SND1: variants seen among roughly 807,000 people sequenced by gnomAD.
SND1 encodes the protein staphylococcal nuclease domain-containing protein 1.
SND1 carries 38 observed loss-of-function variants against 121.7 expected under a neutral mutation model. That is an observed-to-expected ratio of 0.31 (90% CI 0.24 to 0.41). The LOEUF (loss-of-function observed/expected upper bound fraction) is 0.41. Ranked by LOEUF, SND1 falls within the 10% of genes least tolerant of loss-of-function variation. The pLI is 1.00. For missense variants in SND1, 868 were observed against 1,184.6 expected (o/e 0.73, Z 3.92); for synonymous variants, 401 against 447.4 (o/e 0.90, Z 1.31).
intron 15 of SND1, among the ~76,000 whole-genome samples, chr7:127,980,881 G>A (rs1584713285): frequency 6.6e-6 from 1 of 152,072 alleles, no homozygotes; most frequent in Admixed American, 6.6e-5. Context: ...AACCTGGACA[G>A]TAGATTCAAA....
intron 12 of SND1, among the ~76,000 whole-genome samples, chr7:127,887,047 A>T (rs570195671): frequency 6.6e-6 from 1 of 151,848 alleles, no homozygotes; most frequent in African/African-American, 2.4e-5. Flanking sequence ...TCTTTTACCC[A>T]TGCTGCAGTG....
At chr7:127,867,310 G>A (rs557952505) in intron 12 of SND1, among the ~76,000 whole-genome samples, 12 of 152,064 alleles carry the variant, frequency 7.9e-5, no homozygotes, top group African/African-American at 1.9e-4. Context: ...CCACACTTTC[G>A]TGGATTTCCT....
chr7:127,775,345 C>G (rs1272387518), intron 10 of SND1, among the ~76,000 whole-genome samples: 2 of 78,144 alleles, frequency 2.6e-5, no homozygotes, highest in East Asian at 4.0e-4. Flanking sequence ...TTTTTTTTTT[C>G]TTTTTTAACA....
chr7:127,766,370 G>C (rs1273608449), intron 10 of SND1, among the ~76,000 whole-genome samples: 1 of 152,240 alleles, frequency 6.6e-6, no homozygotes, highest in East Asian at 1.9e-4. Flanking sequence ...ACTTGCCATA[G>C]ATCTGCTGTG....
chr7:127,662,192 C>T (rs1007071795), intron 1 of SND1, among the ~76,000 whole-genome samples: 5 of 152,104 alleles, frequency 3.3e-5, no homozygotes, highest in East Asian at 3.8e-4. Context: ...TCCCAGCAAA[C>T]GTCAACAGTG....
intron 1 of SND1, among the ~76,000 whole-genome samples, chr7:127,652,854 A>G (rs1587569180): frequency 6.6e-6 from 1 of 152,170 alleles, no homozygotes; most frequent in East Asian, 1.9e-4. Context: ...CTCTACTAGT[A>G]CTTGGCCATC....
intron 16 of SND1, chr7:128,032,197 G>A (rs989192668): frequency 1.3e-5 from 2 of 151,794 alleles, no homozygotes; most frequent in Non-Finnish European, 2.9e-5. Flanking sequence ...CCTGCCTCGC[G>A]GGGTTAACGC....
At chr7:127,779,247 T>C (rs1168401745) in intron 10 of SND1, among the ~76,000 whole-genome samples, 1 of 152,196 alleles carries the variant, frequency 6.6e-6, no homozygotes, top group Admixed American at 6.5e-5. Flanking sequence ...GTTGGAGTCA[T>C]TTAAAATTGG....
intron 9 of SND1, among the ~76,000 whole-genome samples, chr7:127,709,924 A>T (rs548174734): frequency 1.0e-3 from 152 of 152,304 alleles, no homozygotes; most frequent in African/African-American, 3.5e-3. Flanking sequence ...CAGGAAAAAA[A>T]CATAAAGAAG....
rs551344743 is a variant in SND1, at chr7:127,775,421, C to T, written c.1153-32063C>T. Among the ~76,000 whole-genome samples, 188 of 144,636 alleles carry T rather than the reference C, an allele frequency of 1.3e-3. 2 individuals carry two copies. Among genetic ancestry groups the T allele is most frequent in the Non-Finnish European group, 5.9e-5 (4 of 67,258 alleles). 94.9% of individuals were successfully genotyped at this position (144,636 alleles called of 152,430 possible). On this transcript the variant is annotated intron_variant, in intron 10 of 23. Transcript: ENST00000354725. ...TAACAAATATAATAAAAAAAACACA[C>T]AGAGTTTTTAAGCAAATATCACATA...
intron 15 of SND1, among the ~76,000 whole-genome samples, chr7:127,932,772 C>T (rs565174055): frequency 2.0e-5 from 3 of 152,300 alleles, no homozygotes; most frequent in South Asian, 2.1e-4. Context: ...AAGATTATGA[C>T]GCACTGAAGG....
intron 10 of SND1, among the ~76,000 whole-genome samples, chr7:127,743,202 G>C (rs1203112096): frequency 6.6e-6 from 1 of 152,242 alleles, no homozygotes; most frequent in Admixed American, 6.5e-5. Context: ...GAACTAAATT[G>C]TAAGAGTGTC....
At chr7:127,744,073 A>G (rs547009503) in intron 10 of SND1, among the ~76,000 whole-genome samples, 1 of 152,330 alleles carries the variant, frequency 6.6e-6, no homozygotes, top group Admixed American at 6.5e-5. Flanking sequence ...AGATTATAAT[A>G]TATCTTTCAT....
At chr7:128,051,679 A>G (rs145581862) in intron 16 of SND1, among the ~76,000 whole-genome samples, 2 of 152,094 alleles carry the variant, frequency 1.3e-5, no homozygotes, top group African/African-American at 4.8e-5. Flanking sequence ...GGTGTAGAAT[A>G]TGGGATCCAG....
intron 11 of SND1, among the ~76,000 whole-genome samples, chr7:127,829,202 G>T (rs541979561): frequency 6.6e-6 from 1 of 152,286 alleles, no homozygotes; most frequent in South Asian, 2.1e-4. Flanking sequence ...AGCCTGTAGG[G>T]ATCCTGCCCC....
rs1394127837 is a variant in SND1 at position 128,072,142 on chromosome 7, T to A, written c.1780-2360T>A. 2.6e-5 allele frequency among the ~76,000 whole-genome samples: 4 copies of A among 152,312 alleles called. No homozygotes were observed. The East Asian group carries it at 7.7e-4, about 29-fold the overall frequency. On this transcript the variant is annotated intron_variant, in intron 16 of 23. Transcript: ENST00000354725. ...AGGTGTGAATGTGGGGTTTGCCATG[T>A]GGGTTGGGGTCTGAGCATTGGCACC...
chr7:127,854,551 T>C (rs998450403), intron 12 of SND1, among the ~76,000 whole-genome samples: 3 of 135,486 alleles, frequency 2.2e-5, no homozygotes, highest in African/African-American at 9.2e-5. Context: ...TTTATTTATT[T>C]ATTTATTTAT....
At chr7:128,041,558 C>G (rs1792855314) in intron 16 of SND1, among the ~76,000 whole-genome samples, 3 of 152,176 alleles carry the variant, frequency 2.0e-5, no homozygotes, top group African/African-American at 7.2e-5. Flanking sequence ...ACCTTTATAT[C>G]TAGAGGAATT....
At chr7:128,032,664 C>T (rs1350438939) in intron 16 of SND1, among the ~76,000 whole-genome samples, 1 of 152,162 alleles carries the variant, frequency 6.6e-6, no homozygotes, top group Non-Finnish European at 1.5e-5. Context: ...CCCCCGCTGA[C>T]TGCTGACGGG....
Sources: gnomAD v4.1 joint callset for allele counts (sites outside exome capture counted in the v4.1 genomes callset) on GRCh38, gnomAD v4.1.1 for gene constraint, MANE v1.5 for transcripts, NCBI Gene and HGNC (gene_info 2026-07-23, HGNC 2026-07-21) for gene names.